The following DACT2 variants were observed in gnomAD, a reference collection of about 807,000 sequenced individuals.
The protein encoded by DACT2 is dapper homolog 2.
In DACT2, 20 loss-of-function variants were observed where a neutral mutation model predicts 22.2. The ratio of observed to expected loss-of-function variants is 0.90; its 90% CI spans 0.63 to 1.31. The LOEUF is 1.31. DACT2 is among the 50% of genes most tolerant of loss of function. The probability of loss-of-function intolerance (pLI) is 0.00; values close to 1 mark genes in which losing one functional copy is unlikely to be tolerated. For synonymous variants in DACT2, 463 were observed against 479.8 expected (o/e 0.96, Z 0.46); for missense variants, 1,048 against 1,061.4 (o/e 0.99, Z 0.18).
At chr6:168,319,350 A>C (rs1026263870) in intron 1 of DACT2, 38 bp downstream of exon 1, 2 of 1,191,964 alleles carry the variant, frequency 1.7e-6, no homozygotes, top group Admixed American at 8.9e-5. Flanking sequence ...TGTGGCCCGC[A>C]CACCTCGCAG....
chr6:168,304,057 C>G (rs1779155518), downstream of DACT2, among the ~76,000 whole-genome samples: 1 of 151,668 alleles, frequency 6.6e-6, no homozygotes, highest in African/African-American at 2.4e-5. Context: ...TTCTAAAGAC[C>G]CCGGAAGTCA....
intron 3 of DACT2, among the ~76,000 whole-genome samples, chr6:168,309,543 G>C (rs1779342366): frequency 2.2e-5 from 2 of 89,310 alleles, no homozygotes; most frequent in African/African-American, 4.1e-5. Context: ...CATGGGCAGG[G>C]AGAATCGCCA....
chr6:168,305,311 G>GT (rs1779182260), downstream of DACT2, among the ~76,000 whole-genome samples: 1 of 152,270 alleles, frequency 6.6e-6, no homozygotes, highest in Admixed American at 6.5e-5. Context: ...CGGGCTGCAG[G>GT]TTGGAAGCTG....
intron 1 of DACT2, among the ~76,000 whole-genome samples, chr6:168,311,931 T>C (rs1264352008): frequency 6.6e-6 from 1 of 152,208 alleles, no homozygotes; most frequent in African/African-American, 2.4e-5. Context: ...CCAGGTGCGG[T>C]GGCGTCCTTT....
In DACT2 at chr6:168,308,371, G is replaced by A. The variant is rs1037589769; in HGVS notation, c.1386C>T (p.Ser462=). 32 of 1,551,796 alleles carry A rather than the reference G, an allele frequency of 2.1e-5. No homozygotes were observed. In the African/African-American group the frequency reaches 3.1e-4, roughly 15 times the overall value. ...AQDYGRGNII[S]PSRMLDKSPS... Reference sequence around the variant, plus strand: ...GGCTCTTGTCCAGCATCCTGGATGGGGATATGATGTTGCCTCGTCCATAGT... The same window carrying A: ...GGCTCTTGTCCAGCATCCTGGATGGAGATATGATGTTGCCTCGTCCATAGT... Residue 462 remains serine (S), a synonymous_variant, in exon 4 of 4, where the codon TCC becomes TCT. Coordinates refer to ENST00000366795, the MANE Select transcript of DACT2 (RefSeq NM_214462.5).
chr6:168,309,450 G>GTAGACACAGGGTGCGGGGCCATTTGCGTA (rs796860864), intron 3 of DACT2, among the ~76,000 whole-genome samples: 1 of 140,872 alleles, frequency 7.1e-6, no homozygotes, highest in African/African-American at 2.7e-5. Flanking sequence ...CCGTTTGCGT[G>GTAGACACAGGGTGCGGGGCCATTTGCGTA]TAGACACAGG....
chr6:168,315,048 G>T (rs923344056), intron 1 of DACT2, among the ~76,000 whole-genome samples: 2 of 152,192 alleles, frequency 1.3e-5, no homozygotes, highest in African/African-American at 4.8e-5. Flanking sequence ...AAAATGCCAG[G>T]CATCATGTTG....
Position 168,306,951 on chromosome 6 carries a change from A to G in DACT2, c.*481T>C, listed in dbSNP as rs1779222824. On this transcript the variant is annotated 3_prime_UTR_variant, in exon 4 of 4. Transcript: ENST00000366795. ...TCCTTTTATTTGAGATCATGGCATA[A>G]TTTGGGTGTTTGTGTATGCTGACAG... 1.0e-6 allele frequency: 1 copy of G among 990,956 alleles called. No individual in the cohort carries two copies. Among genetic ancestry groups the G allele is most frequent in the Admixed American group, 5.7e-5 (1 of 17,628 alleles). 61.4% of individuals were successfully genotyped at this position (990,956 alleles called of 1,614,324 possible). A position where few individuals can be genotyped will look rare whatever the true frequency, so the allele number is the denominator to read the frequency against.
intron 3 of DACT2, chr6:168,298,685 G>C (rs1779049170): frequency 6.6e-6 from 1 of 152,210 alleles, no homozygotes; most frequent in Non-Finnish European, 1.5e-5. Flanking sequence ...GATTACACGT[G>C]AATACATACA....
chr6:168,311,597 T>TCCCACACAAACACACACACCCATACAC (rs1554271725), intron 1 of DACT2, among the ~76,000 whole-genome samples: 1 of 100,464 alleles, frequency 1.0e-5, no homozygotes, highest in Admixed American at 8.9e-5. Context: ...CACACACACA[T>TCCCACACAAACACACACACCCATACAC]ACACACACAC....
At position 168,309,110 on chromosome 6, in the gene DACT2, A is replaced by G. The variant is rs759159549; in HGVS notation, c.659-12T>C. ...TCTGTCAAGATCACCTGGGAGCGAGAAAAATGAACAAACACGTAACTACGG... is the reference window on the plus strand; with the variant it reads ...TCTGTCAAGATCACCTGGGAGCGAGGAAAATGAACAAACACGTAACTACGG... On this transcript the variant is annotated splice_polypyrimidine_tract_variant and intron_variant, in intron 3 of 3. Transcript: ENST00000366795. 16 of 1,500,462 alleles carry G rather than the reference A, an allele frequency of 1.1e-5. No individual in the cohort carries two copies. The highest frequency in any genetic ancestry group is 8.8e-5 in the South Asian group (7 of 79,838). The allele number at this position is 1,500,462 out of a possible 1,614,324, so 92.9% of individuals were successfully genotyped here. A position where few individuals can be genotyped will look rare whatever the true frequency, so the allele number is the denominator to read the frequency against.
chr6:168,319,503 C>T lies in DACT2; in HGVS notation c.131G>A (p.Arg44Gln), dbSNP rs1441818728. 1 of 1,311,278 alleles carries T rather than the reference C, an allele frequency of 7.6e-7. No individual in the cohort carries two copies. The highest frequency in any genetic ancestry group is 9.8e-7 in the Non-Finnish European group (1 of 1,023,712). The allele number at this position is 1,311,278 out of a possible 1,614,324, so 81.2% of individuals were successfully genotyped here. ...GLRATQQERV[R>Q]GALALQPPPA... The stretch of plus-strand genomic sequence containing the variant: ...CGGGGGCTGCAGGGCCAGGGCGCCC[C>T]GTACCCGCTCCTGCTGCGTGGCTCG... Residue 44 changes from arginine to glutamine, a missense_variant, in exon 1 of 4, where the codon CGG becomes CAG. Physicochemically the swap from Arg to Gln is conservative, Grantham distance 43. Transcript: ENST00000366795.
chr6:168,302,425 G>A (rs1214122995), downstream of DACT2, among the ~76,000 whole-genome samples: 2 of 152,168 alleles, frequency 1.3e-5, no homozygotes, highest in Non-Finnish European at 2.9e-5. Flanking sequence ...TTCAGAGAGG[G>A]CTGTTTTCAT....
chr6:168,295,710 G>A (rs985180313), intron 3 of DACT2, among the ~76,000 whole-genome samples: 4 of 152,150 alleles, frequency 2.6e-5, no homozygotes, highest in Non-Finnish European at 5.9e-5. Flanking sequence ...CCCAACAGAG[G>A]CTTTTCACTT....
chr6:168,319,221 T>G (rs1322925696), intron 1 of DACT2, among the ~76,000 whole-genome samples, 167 bp downstream of exon 1: 2 of 151,930 alleles, frequency 1.3e-5, no homozygotes, highest in Non-Finnish European at 2.9e-5. Flanking sequence ...GCGCGGGGCC[T>G]CCATGTCCCC....
chr6:168,316,243 A>C (rs1779540316), intron 1 of DACT2, among the ~76,000 whole-genome samples: 1 of 151,848 alleles, frequency 6.6e-6, no homozygotes, highest in African/African-American at 2.4e-5. Context: ...TGAAGCCAGC[A>C]TCTCGGCAGC....
exon 6 of DACT2, chr6:168,293,792 G>GC: frequency 4.3e-6 from 3 of 694,984 alleles, no homozygotes; most frequent in Non-Finnish European, 2.6e-6. Context: ...GGCAGAGGGG[G>GC]GCCGATGATA....
intron 3 of DACT2, among the ~76,000 whole-genome samples, chr6:168,295,230 G>A (rs563796772): frequency 3.5e-4 from 53 of 152,324 alleles, no homozygotes; most frequent in African/African-American, 1.1e-3. Flanking sequence ...CCACTTTTCC[G>A]CAGATATAAT....
intron 5 of DACT2, chr6:168,293,988 G>C: frequency 1.4e-6 from 1 of 703,274 alleles, no homozygotes; most frequent in South Asian, 1.5e-5. Flanking sequence ...TGTGAGTAGA[G>C]GAGGTCCATC....
Sources: allele counts gnomAD v4.1 joint callset (sites outside exome capture counted in the v4.1 genomes callset), GRCh38; gene constraint gnomAD v4.1.1; transcripts MANE v1.5; gene names NCBI Gene and HGNC (gene_info 2026-07-23, HGNC 2026-07-21).